SLC2A13: variants seen among roughly 807,000 people sequenced by gnomAD.
SLC2A13 encodes solute carrier family 2 member 13, also known as proton myo-inositol cotransporter.
Under a neutral mutation model 64.4 loss-of-function variants are expected in SLC2A13, and 32 were observed. The observed-to-expected ratio is 0.50, with a 90% CI of 0.37 to 0.67. The LOEUF is 0.67. Among genes scored for constraint, SLC2A13 ranks in the 30% least tolerant of loss-of-function variants. SLC2A13 has a pLI of 0.00. For synonymous variants in SLC2A13, 338 were observed against 327.1 expected (o/e 1.03, Z -0.36); for missense variants, 743 against 829.2 (o/e 0.90, Z 1.28).
rs1024608033 is a variant in SLC2A13, at chr12:40,105,050, C to A, written c.556+203G>T. ...CTCGAGGGAGACTAGAGTGACACCC[C>A]CTCCCCCCCGACCCTCCCACCTCCC... On this transcript the variant is annotated intron_variant, in intron 1 of 9. Transcript: ENST00000280871. This position sits in a 1 kb window ranked among gnomAD's most constrained non-coding sequence, Gnocchi z 4.2. Among the ~76,000 whole-genome samples, 10 of 152,118 alleles carry A rather than the reference C, an allele frequency of 6.6e-5. No homozygotes were observed.
At chr12:40,097,882 A>G (rs931147956) in intron 1 of SLC2A13, among the ~76,000 whole-genome samples, 1 of 152,166 alleles carries the variant, frequency 6.6e-6, no homozygotes, top group Non-Finnish European at 1.5e-5. Flanking sequence ...GTATATATCC[A>G]AAATAATTCA....
Position 39,984,177 on chromosome 12 carries a change from G to T in SLC2A13, c.926-32812C>A, listed in dbSNP as rs1021444386. 5.3e-5 allele frequency among the ~76,000 whole-genome samples: 8 copies of T among 151,532 alleles called. 1 individual carries two copies. The highest frequency in any genetic ancestry group is 1.9e-4 in the African/African-American group (8 of 41,186). Reference sequence around the variant, plus strand: ...GGGAATATCACAATCTGGGGACTGTGGTGGGGTGGGGGCAGGGGGGAGGGA... The same window carrying T: ...GGGAATATCACAATCTGGGGACTGTTGTGGGGTGGGGGCAGGGGGGAGGGA... On this transcript the variant is annotated intron_variant, in intron 3 of 9. Transcript: ENST00000280871.
intron 2 of SLC2A13, among the ~76,000 whole-genome samples, chr12:40,039,785 G>T (rs762428314): frequency 2.6e-5 from 4 of 152,186 alleles, no homozygotes; most frequent in African/African-American, 4.8e-5. Context: ...TGGGACATTT[G>T]TTGCAAGTGA....
chr12:39,798,172 C>A (rs189996189), intron 7 of SLC2A13, among the ~76,000 whole-genome samples: 74 of 152,300 alleles, frequency 4.9e-4, no homozygotes, highest in East Asian at 3.7e-3. Context: ...TGTCGGACAA[C>A]AACCAGCATT....
intron 4 of SLC2A13, among the ~76,000 whole-genome samples, chr12:39,922,666 T>G (rs990678943): frequency 1.3e-5 from 2 of 152,222 alleles, no homozygotes; most frequent in Non-Finnish European, 2.9e-5. Flanking sequence ...TATGGGGGTT[T>G]TTCCTTAAGT....
intron 3 of SLC2A13, among the ~76,000 whole-genome samples, chr12:40,023,718 C>T (rs1232172046): frequency 6.6e-6 from 1 of 152,110 alleles, no homozygotes; most frequent in Non-Finnish European, 1.5e-5. Flanking sequence ...ATGGACAGAC[C>T]CTACTTTTAA....
intron 4 of SLC2A13, among the ~76,000 whole-genome samples, chr12:39,873,087 GT>G (rs1566890467): frequency 2.0e-5 from 3 of 152,034 alleles, no homozygotes; most frequent in Admixed American, 2.0e-4. Context: ...AATGATGATG[GT>G]TCTTATCTAA....
rs1443661400 is a variant in SLC2A13, at chr12:39,981,126, C to T, written c.926-29761G>A. Among the ~76,000 whole-genome samples, 26 of 151,312 alleles carry T rather than the reference C, an allele frequency of 1.7e-4. No homozygotes were observed. In the East Asian group the frequency reaches 4.1e-3, roughly 24 times the overall value. ...AAATAAAGATGTTCTTTGAAACCAA[C>T]GAGAACAAAGACACAACATATCAGA... On this transcript the variant is annotated intron_variant, in intron 3 of 9. Coordinates refer to ENST00000280871, the MANE Select transcript of SLC2A13 (RefSeq NM_052885.4).
intron 3 of SLC2A13, among the ~76,000 whole-genome samples, chr12:40,012,782 A>G (rs765710074): frequency 6.6e-6 from 1 of 152,228 alleles, no homozygotes; most frequent in Non-Finnish European, 1.5e-5. Flanking sequence ...TCAAAACAGC[A>G]TATCGCAAAC....
chr12:39,883,366 T>C (rs975799847), intron 4 of SLC2A13, among the ~76,000 whole-genome samples: 24 of 152,308 alleles, frequency 1.6e-4, no homozygotes, highest in African/African-American at 5.5e-4. Flanking sequence ...CCCTCATGGC[T>C]GGAGAAGAGT....
chr12:39,863,146 ATAAAGGTAGGCTGTATCACTTCTCT>A (rs1433242505), intron 6 of SLC2A13, among the ~76,000 whole-genome samples: 2 of 152,156 alleles, frequency 1.3e-5, no homozygotes, highest in Non-Finnish European at 2.9e-5. Flanking sequence ...TGTAATAAGA[ATAAAGGTAGGCTGTATCACTTCTCT>A]TACCTCATTA....
intron 1 of SLC2A13, among the ~76,000 whole-genome samples, chr12:40,057,232 T>C (rs992089096): frequency 6.6e-6 from 1 of 152,026 alleles, no homozygotes; most frequent in African/African-American, 2.4e-5. Context: ...TTTAATATGC[T>C]CTCCATGAGC....
intron 7 of SLC2A13, among the ~76,000 whole-genome samples, chr12:39,822,070 TC>T (rs1370519445): frequency 5.8e-5 from 3 of 51,394 alleles, no homozygotes; most frequent in African/African-American, 2.4e-4. Flanking sequence ...CCCTCCCCCC[TC>T]CCCCCACCCC....
chr12:39,978,218 T>G (rs10877891), intron 3 of SLC2A13, among the ~76,000 whole-genome samples: 61,149 of 152,032 alleles, frequency 0.4, 12,573 homozygotes, highest in Non-Finnish European at 0.47. Flanking sequence ...ATCACAAAAA[T>G]ACAGTCCATC....
At position 39,947,073 on chromosome 12, in the gene SLC2A13, C is replaced by A. The variant is rs534611347; in HGVS notation, c.1034+4184G>T. ...CCGCTTATTTCACTTGCCTGTCTAA[C>A]TTGACTCAGCTCTCTAACTTGACTC... is the stretch of plus-strand genomic sequence containing the variant. On this transcript the variant is annotated intron_variant, in intron 4 of 9. Coordinates refer to ENST00000280871, the MANE Select transcript of SLC2A13 (RefSeq NM_052885.4). Among the ~76,000 whole-genome samples the A allele has an allele frequency of 3.3e-5, 5 of 152,286 alleles. No individual in the cohort carries two copies. In the South Asian group the frequency reaches 1.0e-3, roughly 32 times the overall value.
At chr12:39,823,490 T>C (rs1057329604) in intron 7 of SLC2A13, among the ~76,000 whole-genome samples, 5 of 152,216 alleles carry the variant, frequency 3.3e-5, no homozygotes, top group African/African-American at 1.2e-4. Context: ...TGCTATTTGA[T>C]ATAGTTTTGT....
chr12:39,883,683 C>T lies in SLC2A13; in HGVS notation c.1035-11722G>A, dbSNP rs369490223. 3.6e-3 allele frequency among the ~76,000 whole-genome samples: 552 copies of T among 152,298 alleles called. 2 individuals are homozygous for T. The highest frequency in any genetic ancestry group is 0.012 in the African/African-American group (497 of 41,572). On this transcript the variant is annotated intron_variant, in intron 4 of 9. Coordinates refer to ENST00000280871, the MANE Select transcript of SLC2A13 (RefSeq NM_052885.4). ...AAGCTGTAATGGCCTTAAAGGTTCACTTGTAAGTAAAACTTTGCAAGAACT... is the reference window on the plus strand; with the variant it reads ...AAGCTGTAATGGCCTTAAAGGTTCATTTGTAAGTAAAACTTTGCAAGAACT...
intron 4 of SLC2A13, among the ~76,000 whole-genome samples, chr12:39,918,378 C>G (rs1481346533): frequency 9.4e-6 from 1 of 106,070 alleles, no homozygotes. Context: ...TTTTTTTTTT[C>G]GGTACGAAAC....
intron 5 of SLC2A13, 31 bp downstream of exon 5, chr12:39,871,767 T>C (rs200677972): frequency 4.5e-5 from 71 of 1,569,946 alleles, no homozygotes; most frequent in Admixed American, 3.2e-4. Flanking sequence ...GAAATAAAGT[T>C]TATAATTGAA....
Sources: allele counts gnomAD v4.1 joint callset (sites outside exome capture counted in the v4.1 genomes callset), GRCh38; gene constraint gnomAD v4.1.1; non-coding constraint Gnocchi (gnomAD v3.1); transcripts MANE v1.5; gene names NCBI Gene and HGNC (gene_info 2026-07-23, HGNC 2026-07-21).